TET1: variants seen among roughly 807,000 people sequenced by gnomAD.
TET1 encodes tet methylcytosine dioxygenase 1.
A neutral mutation model predicts 148.7 loss-of-function variants in TET1; 13 were observed. That is an observed-to-expected ratio of 0.09 (90% CI 0.06 to 0.14). The LOEUF (loss-of-function observed/expected upper bound fraction) is 0.14, where lower values mean the gene tolerates loss of function less well. Ranked by LOEUF, TET1 falls within the 10% of genes least tolerant of loss-of-function variation. The probability of loss-of-function intolerance (pLI) is 1.00; values close to 1 mark genes in which losing one functional copy is unlikely to be tolerated. For missense variants in TET1, 2,182 were observed against 2,553.8 expected (o/e 0.85, Z 3.14); for synonymous variants, 907 against 937.2 (o/e 0.97, Z 0.59).
Position 68,690,882 on chromosome 10 carries a change from A to G in TET1, c.5479A>G (p.Asn1827Asp), listed in dbSNP as rs1431081080. Residue 1827 changes from asparagine (N) to aspartate (D), a missense_variant, in exon 12 of 12, where the codon AAC becomes GAC. By Grantham distance (23) the Asn-to-Asp change is conservative. Coordinates refer to ENST00000373644, the MANE Select transcript of TET1 (RefSeq NM_030625.3). Reference protein sequence around the residue: ...EPHFILKSSDNTKTYSLMPSA... With the variant: ...EPHFILKSSDDTKTYSLMPSA... ...CCATTTTATCTTAAAAAGTTCAGAC[A>G]ACACTAAAACTTATTCGCTGATGCC... The G allele has an allele frequency of 6.2e-7, 1 of 1,614,220 alleles. No individual in the cohort carries two copies. The highest frequency in any genetic ancestry group is 2.2e-5 in the East Asian group (1 of 44,892).
Position 68,645,785 on chromosome 10 carries a change from A to G in TET1, c.3056A>G (p.Lys1019Arg), listed in dbSNP as rs139509386. The change falls in exon 4 of 12, where the codon AAA becomes AGA. Residue 1019 changes from lysine (K) to arginine (R), a missense_variant. Physicochemically the swap from Lys to Arg is conservative, Grantham distance 26 (BLOSUM62 2). This residue lies in a region of TET1 where 582 missense variants were observed against 599.5 expected (regional missense o/e 0.97). Coordinates refer to ENST00000373644, the MANE Select transcript of TET1 (RefSeq NM_030625.3). The stretch of plus-strand genomic sequence containing the variant: ...AATTCATCCAAGATTGACACCAATA[A>G]AAGTATTGCTCAAGGGATAATTACT... ...KSNSSKIDTN[K>R]SIAQGIITLD... 1.9e-5 allele frequency: 30 copies of G among 1,614,116 alleles called. No individual in the cohort carries two copies. The highest frequency in any genetic ancestry group is 1.0e-4 in the Admixed American group (6 of 60,012).
In TET1 at chr10:68,667,274, A is replaced by T; in HGVS notation, c.4673+18A>T. 1 of 1,590,078 alleles carries T rather than the reference A, an allele frequency of 6.3e-7. No homozygotes were observed. Among genetic ancestry groups the T allele is most frequent in the Non-Finnish European group, 8.6e-7 (1 of 1,166,572 alleles). ...AATGAAAAGTAATTAAATCTGTTTT[A>T]TACTGCCTTACCATTCAGATCTCTA... On this transcript the variant is annotated intron_variant, in intron 7 of 11. Transcript: ENST00000373644.
intron 2 of TET1, among the ~76,000 whole-genome samples, chr10:68,591,559 A>G (rs2053919245): frequency 6.6e-6 from 1 of 152,140 alleles, no homozygotes; most frequent in Admixed American, 6.5e-5. Flanking sequence ...GAATTTAGAA[A>G]CTAAAGAAAT....
chr10:68,678,552 C>T (rs2055393936), intron 8 of TET1, among the ~76,000 whole-genome samples: 2 of 151,986 alleles, frequency 1.3e-5, no homozygotes, highest in Admixed American at 1.3e-4. Flanking sequence ...GAGTTTGAGA[C>T]CAGCCTGGCT....
chr10:68,680,804 C>T (rs1283901825), intron 8 of TET1, among the ~76,000 whole-genome samples: 1 of 152,134 alleles, frequency 6.6e-6, no homozygotes, highest in Non-Finnish European at 1.5e-5. Context: ...ACCACTTGCC[C>T]ACTTACTTCC....
At chr10:68,657,788 TAG>T (rs1231726580) in intron 6 of TET1, among the ~76,000 whole-genome samples, 1 of 151,036 alleles carries the variant, frequency 6.6e-6, no homozygotes, top group Non-Finnish European at 1.5e-5. Flanking sequence ...AAACTTTAGG[TAG>T]AGGTTGAATG....
intron 8 of TET1, among the ~76,000 whole-genome samples, chr10:68,673,249 C>T (rs2055298600): frequency 6.6e-6 from 1 of 151,868 alleles, no homozygotes; most frequent in African/African-American, 2.4e-5. Context: ...GCTATCTCCC[C>T]AAATTCCAAT....
chr10:68,612,052 A>C (rs1430435071), intron 3 of TET1, among the ~76,000 whole-genome samples: 1 of 151,574 alleles, frequency 6.6e-6, no homozygotes, highest in East Asian at 1.9e-4. Flanking sequence ...CTTCTGTTTT[A>C]ATTTACTTAC....
At chr10:68,613,164 CTG>C (rs2054241304) in intron 3 of TET1, among the ~76,000 whole-genome samples, 1 of 152,206 alleles carries the variant, frequency 6.6e-6, no homozygotes, top group African/African-American at 2.4e-5. Flanking sequence ...TTGATAGTCT[CTG>C]TAATTAATTG....
At chr10:68,643,261 CAAAAAA>C in intron 3 of TET1, among the ~76,000 whole-genome samples, 1 of 91,822 alleles carries the variant, frequency 1.1e-5, no homozygotes, top group East Asian at 3.1e-4. Flanking sequence ...GACCCTGTCT[CAAAAAA>C]AAAAAAAAAA....
At chr10:68,577,305 C>T (rs1027719662) in intron 2 of TET1, among the ~76,000 whole-genome samples, 1 of 152,036 alleles carries the variant, frequency 6.6e-6, no homozygotes, top group Non-Finnish European at 1.5e-5. Flanking sequence ...CATTGGCCTC[C>T]CAAAGTGCTG....
chr10:68,639,472 T>C (rs1049019729), intron 3 of TET1, among the ~76,000 whole-genome samples: 9 of 148,704 alleles, frequency 6.1e-5, no homozygotes, highest in African/African-American at 2.0e-4. Flanking sequence ...ACTACTATTA[T>C]TATTATTATT....
intron 6 of TET1, among the ~76,000 whole-genome samples, chr10:68,662,975 A>G (rs1448911482): frequency 6.6e-6 from 1 of 152,236 alleles, no homozygotes; most frequent in African/African-American, 2.4e-5. Context: ...AACAAACTTC[A>G]ATTTAGAAGG....
At chr10:68,622,733 C>A (rs2132978488) in intron 3 of TET1, among the ~76,000 whole-genome samples, 1 of 152,048 alleles carries the variant, frequency 6.6e-6, no homozygotes, top group Non-Finnish European at 1.5e-5. Context: ...TAGAATGTCC[C>A]TGAAATTGGT....
chr10:68,610,672 T>G (rs930980853), intron 3 of TET1, among the ~76,000 whole-genome samples: 2 of 152,166 alleles, frequency 1.3e-5, no homozygotes, highest in Non-Finnish European at 2.9e-5. Flanking sequence ...GTTTTTACTT[T>G]TTTTTGACAA....
intron 11 of TET1, among the ~76,000 whole-genome samples, chr10:68,690,338 T>C (rs192556466): frequency 6.6e-6 from 1 of 152,332 alleles, no homozygotes; most frequent in East Asian, 1.9e-4. Flanking sequence ...CCGGGCGCAG[T>C]AGCTCAAGCC....
At position 68,573,691 on chromosome 10, in the gene TET1, G is replaced by T. The variant is rs2053696390; in HGVS notation, c.1353G>T (p.Glu451Asp). 1 of 1,613,870 alleles carries T rather than the reference G, an allele frequency of 6.2e-7. No individual in the cohort carries two copies. The highest frequency in any genetic ancestry group is 1.3e-5 in the African/African-American group (1 of 74,894). ...ATFNAPSKWP[E>D]PQSTVSYGLA... is the part of the protein sequence containing the mutation. The stretch of plus-strand genomic sequence containing the variant: ...TTAATGCTCCTTCCAAATGGCCTGA[G>T]CCCCAAAGCACTGTCTCATATGGAC... Residue 451 changes from glutamate to aspartate, a missense_variant, in exon 2 of 12, where the codon GAG becomes GAT. Physicochemically the swap from Glu to Asp is conservative, Grantham distance 45. Coordinates refer to ENST00000373644, the MANE Select transcript of TET1 (RefSeq NM_030625.3).
chr10:68,665,020 C>A (rs549697481), intron 6 of TET1, among the ~76,000 whole-genome samples: 12 of 152,166 alleles, frequency 7.9e-5, no homozygotes, highest in Middle Eastern at 3.4e-3. Flanking sequence ...AATCCTCTCA[C>A]CTCTACGTTC....
At chr10:68,629,141 G>T (rs2054531465) in intron 3 of TET1, among the ~76,000 whole-genome samples, 1 of 151,992 alleles carries the variant, frequency 6.6e-6, no homozygotes. Context: ...GAGGTGGGGG[G>T]GTCACCTGAG....
Sources: gnomAD v4.1 joint callset for allele counts (sites outside exome capture counted in the v4.1 genomes callset) on GRCh38, gnomAD v4.1.1 for gene constraint, gnomAD v4.1.1 regional missense constraint, MANE v1.5 for transcripts, NCBI Gene and HGNC (gene_info 2026-07-23, HGNC 2026-07-21) for gene names.